THSD4: variants seen among roughly 807,000 people sequenced by gnomAD.
THSD4 encodes thrombospondin type 1 domain containing 4.
THSD4 carries 69 observed loss-of-function variants against 119.0 expected under a neutral mutation model. That is an observed-to-expected ratio of 0.58 (90% CI 0.48 to 0.71). The LOEUF (loss-of-function observed/expected upper bound fraction) is 0.71. Among genes scored for constraint, THSD4 ranks in the 30% least tolerant of loss-of-function variants. THSD4 has a pLI of 0.00. For missense variants in THSD4, 1,393 were observed against 1,391.1 expected (o/e 1.00, Z -0.02); for synonymous variants, 524 against 540.4 (o/e 0.97, Z 0.42).
At chr15:71,579,622 C>T (rs994054682) in intron 7 of THSD4, among the ~76,000 whole-genome samples, 4 of 152,234 alleles carry the variant, frequency 2.6e-5, no homozygotes, top group Non-Finnish European at 5.9e-5. Context: ...CTACTCCACT[C>T]TGTAGTAAAT....
intron 6 of THSD4, chr15:71,341,016 G>A (rs1280130752): frequency 1.1e-5 from 7 of 658,682 alleles, no homozygotes; most frequent in Non-Finnish European, 1.8e-5. Context: ...TCTCCCCATT[G>A]TTTCCCAGTG....
intron 6 of THSD4, among the ~76,000 whole-genome samples, chr15:71,398,595 T>C (rs901243404): frequency 6.6e-6 from 1 of 152,140 alleles, no homozygotes; most frequent in Non-Finnish European, 1.5e-5. Context: ...AAGAGGTTTC[T>C]AGAATGTTTG....
At chr15:71,759,750 G>A (rs1301013463) in intron 15 of THSD4, among the ~76,000 whole-genome samples, 1 of 152,190 alleles carries the variant, frequency 6.6e-6, no homozygotes, top group Non-Finnish European at 1.5e-5. Context: ...GAAGAGAAGG[G>A]AGCAGGATTC....
chr15:71,567,709 A>G (rs1226917892), intron 7 of THSD4, among the ~76,000 whole-genome samples: 4 of 151,946 alleles, frequency 2.6e-5, no homozygotes, highest in Non-Finnish European at 5.9e-5. Flanking sequence ...GAGGATCCAC[A>G]AGAGGAAGCG....
chr15:71,319,713 G>A (rs1490056943), intron 6 of THSD4, among the ~76,000 whole-genome samples: 2 of 152,020 alleles, frequency 1.3e-5, no homozygotes, highest in Non-Finnish European at 2.9e-5. Context: ...AAACATACGT[G>A]TGCATGTGTC....
rs375717653 is a variant in THSD4 at position 71,571,461 on chromosome 15, C to A, written c.1153-89069C>A. On this transcript the variant is annotated intron_variant, in intron 7 of 17. Coordinates refer to ENST00000261862, the MANE Select transcript of THSD4 (RefSeq NM_024817.3). ...AATGTTTAGCAAATCCCAAGAAATT[C>A]CTTATTTAATGGAAAAAAGAGATCC... 8.0e-4 allele frequency among the ~76,000 whole-genome samples: 122 copies of A among 152,194 alleles called. 2 individuals carry two copies. In the South Asian group the frequency reaches 0.015, roughly 19 times the overall value.
intron 6 of THSD4, among the ~76,000 whole-genome samples, chr15:71,396,291 C>A (rs1045522567): frequency 1.3e-5 from 2 of 151,392 alleles, no homozygotes; most frequent in Non-Finnish European, 2.9e-5. Flanking sequence ...CATGTACATG[C>A]GTACATATGC....
intron 4 of THSD4, among the ~76,000 whole-genome samples, chr15:71,237,967 C>T (rs1046142799): frequency 4.6e-5 from 7 of 152,152 alleles, no homozygotes; most frequent in South Asian, 2.1e-4. Flanking sequence ...TTTTCCCAGA[C>T]GCCCGTTGGA....
chr15:71,437,885 G>A (rs2047035456), intron 7 of THSD4, among the ~76,000 whole-genome samples: 1 of 152,194 alleles, frequency 6.6e-6, no homozygotes, highest in Admixed American at 6.5e-5. Flanking sequence ...TCTGATAAGG[G>A]GAAAGTGGTA....
chr15:71,328,876 A>T (rs924965879), intron 6 of THSD4, among the ~76,000 whole-genome samples: 1 of 152,242 alleles, frequency 6.6e-6, no homozygotes, highest in African/African-American at 2.4e-5. Context: ...AAGCAAGACC[A>T]AGCTTTGCGG....
At chr15:71,537,129 A>G (rs1242631288) in intron 7 of THSD4, among the ~76,000 whole-genome samples, 1 of 152,094 alleles carries the variant, frequency 6.6e-6, no homozygotes, top group Non-Finnish European at 1.5e-5. Flanking sequence ...GCCCTTTCCC[A>G]CTATAAATGT....
chr15:71,328,019 C>T (rs754016645), intron 6 of THSD4, among the ~76,000 whole-genome samples: 2 of 152,152 alleles, frequency 1.3e-5, no homozygotes, highest in Non-Finnish European at 2.9e-5. Context: ...AAAGTAAAGC[C>T]ACCTTCTTTC....
intron 7 of THSD4, among the ~76,000 whole-genome samples, chr15:71,494,666 A>T (rs540602609): frequency 6.6e-6 from 1 of 151,310 alleles, no homozygotes; most frequent in East Asian, 2.0e-4. Context: ...GGGTGGCTTT[A>T]TAAACCATTA....
At chr15:71,272,924 A>G (rs1231703274) in intron 6 of THSD4, among the ~76,000 whole-genome samples, 1 of 152,150 alleles carries the variant, frequency 6.6e-6, no homozygotes, top group African/African-American at 2.4e-5. Context: ...GAGAAAGGGG[A>G]ACCTTTGTCT....
chr15:71,241,924 A>T (rs548837054), intron 4 of THSD4, among the ~76,000 whole-genome samples: 1 of 152,278 alleles, frequency 6.6e-6, no homozygotes, highest in South Asian at 2.1e-4. Context: ...TTTTTAGCTC[A>T]TCAACTGTCA....
intron 6 of THSD4, among the ~76,000 whole-genome samples, chr15:71,303,394 A>G (rs911408886): frequency 1.3e-5 from 2 of 152,200 alleles, no homozygotes; most frequent in Non-Finnish European, 2.9e-5. Flanking sequence ...TGCTTTGGCT[A>G]AAGAGGGAAT....
chr15:71,518,183 G>A (rs181148531), intron 7 of THSD4, among the ~76,000 whole-genome samples: 56 of 152,254 alleles, frequency 3.7e-4, no homozygotes, highest in Non-Finnish European at 1.2e-4. Flanking sequence ...CTTACTTCTT[G>A]CGGGGAAACC....
intron 1 of THSD4, among the ~76,000 whole-genome samples, chr15:71,133,293 A>G (rs1046637084): frequency 6.6e-6 from 1 of 152,192 alleles, no homozygotes; most frequent in African/African-American, 2.4e-5. Flanking sequence ...CAGAAACAGC[A>G]GAAGAATGGA....
At chr15:71,366,526 TTGAAC>T (rs779262901) in intron 6 of THSD4, among the ~76,000 whole-genome samples, 3 of 152,160 alleles carry the variant, frequency 2.0e-5, no homozygotes, top group Non-Finnish European at 4.4e-5. Flanking sequence ...CCTGGGAACA[TTGAAC>T]TATATTTCCC....
Sources: allele counts gnomAD v4.1 joint callset (sites outside exome capture counted in the v4.1 genomes callset), GRCh38; gene constraint gnomAD v4.1.1; transcripts MANE v1.5; gene names NCBI Gene and HGNC (gene_info 2026-07-23, HGNC 2026-07-21).